Variants in ARHGEF7 observed in about 807,000 individuals in gnomAD.
ARHGEF7 encodes PAK-interacting exchange factor beta.
In ARHGEF7, 33 loss-of-function variants were observed where a neutral mutation model predicts 109.8. The observed-to-expected ratio is 0.30, with a 90% CI of 0.23 to 0.40. The LOEUF (loss-of-function observed/expected upper bound fraction) is 0.40, where lower values mean the gene tolerates loss of function less well. Ranked by LOEUF, ARHGEF7 falls within the 10% of genes least tolerant of loss-of-function variation. ARHGEF7 has a pLI of 1.00. For synonymous variants in ARHGEF7, 458 were observed against 424.6 expected, an observed-to-expected ratio of 1.08 and a Z score of -0.97; for missense variants, 938 against 1,098.5, an observed-to-expected ratio of 0.85 and a Z score of 2.07.
intron 2 of ARHGEF7, among the ~76,000 whole-genome samples, chr13:111,186,550 C>G (rs929325937): frequency 1.3e-5 from 2 of 152,160 alleles, no homozygotes; most frequent in African/African-American, 4.8e-5. Context: ...TTTCACATGT[C>G]CCCAACAATA....
chr13:111,286,476 C>A (rs1261811297), intron 17 of ARHGEF7, among the ~76,000 whole-genome samples: 1 of 152,198 alleles, frequency 6.6e-6, no homozygotes, highest in Non-Finnish European at 1.5e-5. Context: ...TGCCTTATAG[C>A]CCCTTCCTCA....
intron 16 of ARHGEF7, among the ~76,000 whole-genome samples, 200 bp downstream of exon 16, chr13:111,283,563 G>C (rs531484043): frequency 8.3e-4 from 126 of 152,244 alleles, no homozygotes; most frequent in Non-Finnish European, 1.6e-3. Flanking sequence ...GGAAGGCGAT[G>C]TGCAGGGTCC....
intron 2 of ARHGEF7, among the ~76,000 whole-genome samples, chr13:111,169,794 C>A (rs140343293): frequency 2.0e-5 from 3 of 152,298 alleles, no homozygotes; most frequent in Admixed American, 2.0e-4. Flanking sequence ...AGACACCGTT[C>A]TAGTTGCTGG....
At chr13:111,267,753 A>G in intron 9 of ARHGEF7, 83 bp downstream of exon 9, 1 of 1,525,188 alleles carries the variant, frequency 6.6e-7, no homozygotes, top group South Asian at 1.2e-5. Context: ...TATGATGCTA[A>G]TAGTCCCTTG....
At chr13:111,162,448 G>A (rs2076819035) in intron 2 of ARHGEF7, among the ~76,000 whole-genome samples, 1 of 152,194 alleles carries the variant, frequency 6.6e-6, no homozygotes, top group African/African-American at 2.4e-5. Flanking sequence ...GCATGGCACT[G>A]GGTGGGACAT....
chr13:111,283,082 C>G (rs373843597), intron 15 of ARHGEF7, 57 bp from the exon 16 acceptor site: 1 of 1,536,626 alleles, frequency 6.5e-7, no homozygotes. Flanking sequence ...AGTGCCCTTT[C>G]GCGGTGAGCA....
chr13:111,170,452 G>A lies in ARHGEF7; in HGVS notation c.252+16461G>A, dbSNP rs780409604. 5.7e-4 allele frequency among the ~76,000 whole-genome samples: 87 copies of A among 152,332 alleles called. 1 individual carries two copies. In the Middle Eastern group the frequency reaches 0.01, roughly 18 times the overall value. On this transcript the variant is annotated intron_variant, in intron 2 of 21. Coordinates refer to ENST00000646102, the MANE Select transcript of ARHGEF7 (RefSeq NM_001354046.2). ...ACGTGGACGTCAGAATTGCTCTTCT[G>A]TTGACCATTTTCTTCCTTCTTACTG...
chr13:111,269,751 A>T (rs2091983461), intron 9 of ARHGEF7, among the ~76,000 whole-genome samples: 1 of 152,102 alleles, frequency 6.6e-6, no homozygotes. Context: ...TGCCCTCCCG[A>T]GGTCCCTGCA....
intron 19 of ARHGEF7, 102 bp downstream of exon 19, chr13:111,292,396 T>C: frequency 1.3e-6 from 2 of 1,551,392 alleles, no homozygotes; most frequent in Non-Finnish European, 1.7e-6. Flanking sequence ...TTAGATGTTT[T>C]CTTGCTGTTC....
intron 2 of ARHGEF7, among the ~76,000 whole-genome samples, chr13:111,168,009 G>A (rs2077267498): frequency 1.3e-5 from 2 of 152,146 alleles, no homozygotes; most frequent in South Asian, 4.1e-4. Flanking sequence ...AGGAGAGCAG[G>A]GTGACTGTCC....
chr13:111,214,019 C>T (rs1566842776), intron 4 of ARHGEF7, among the ~76,000 whole-genome samples: 1 of 152,216 alleles, frequency 6.6e-6, no homozygotes, highest in Non-Finnish European at 1.5e-5. Context: ...AGTGTAATGA[C>T]TGCTGAAGAA....
chr13:111,268,377 G>A (rs1365327601), intron 9 of ARHGEF7, among the ~76,000 whole-genome samples: 3 of 152,078 alleles, frequency 2.0e-5, no homozygotes, highest in African/African-American at 7.2e-5. Flanking sequence ...ACAAAGATTT[G>A]TATTAATATT....
chr13:111,146,077 G>A (rs1053790078), intron 1 of ARHGEF7, among the ~76,000 whole-genome samples: 2 of 152,186 alleles, frequency 1.3e-5, no homozygotes, highest in Admixed American at 6.5e-5. Flanking sequence ...AGGTCCAGCC[G>A]TGTTGTAGGT....
intron 1 of ARHGEF7, among the ~76,000 whole-genome samples, chr13:111,130,667 G>A (rs370059747): frequency 6.6e-6 from 1 of 152,230 alleles, no homozygotes; most frequent in Non-Finnish European, 1.5e-5. Context: ...GGAGAATAAC[G>A]TGAAAAGAAT....
intron 6 of ARHGEF7, chr13:111,241,399 G>A: frequency 6.6e-7 from 1 of 1,514,950 alleles, no homozygotes; most frequent in Non-Finnish European, 8.9e-7. Context: ...GGCAGAGGGA[G>A]TGGGCACCCC....
In ARHGEF7 at chr13:111,159,550, G is replaced by A. The variant is rs1467836740; in HGVS notation, c.252+5559G>A. On this transcript the variant is annotated intron_variant, in intron 2 of 21. Coordinates refer to ENST00000646102, the MANE Select transcript of ARHGEF7 (RefSeq NM_001354046.2). ...CTCCACATCCTTGCCAACACCTGTC[G>A]CCTTTCATCTTTTTGATAATAGCCA... 3.9e-5 allele frequency among the ~76,000 whole-genome samples: 6 copies of A among 152,208 alleles called. No homozygotes were observed. The South Asian group carries it at 8.3e-4, about 21-fold the overall frequency.
At chr13:111,169,011 C>A (rs1202759869) in intron 2 of ARHGEF7, among the ~76,000 whole-genome samples, 1 of 152,204 alleles carries the variant, frequency 6.6e-6, no homozygotes, top group Non-Finnish European at 1.5e-5. Context: ...ATCAGTAGTT[C>A]TGAACTTTTT....
chr13:111,277,744 GT>G, intron 13 of ARHGEF7, 71 bp downstream of exon 13: 1 of 1,095,100 alleles, frequency 9.1e-7, no homozygotes, highest in South Asian at 1.3e-5. Context: ...TGAATTTTGT[GT>G]TAAATATTAC....
intron 2 of ARHGEF7, among the ~76,000 whole-genome samples, chr13:111,162,932 G>A (rs1164345153): frequency 6.6e-6 from 1 of 152,224 alleles, no homozygotes; most frequent in East Asian, 1.9e-4. Context: ...GCCCAGCCAA[G>A]TGTTGTCTTT....
Sources: gnomAD v4.1 joint callset for allele counts (sites outside exome capture counted in the v4.1 genomes callset) on GRCh38, gnomAD v4.1.1 for gene constraint, MANE v1.5 for transcripts, NCBI Gene and HGNC (gene_info 2026-07-23, HGNC 2026-07-21) for gene names.